NEGR1: variants seen among roughly 807,000 people sequenced by gnomAD.
The protein encoded by NEGR1 is IgLON family member 4.
Under a neutral mutation model 40.9 loss-of-function variants are expected in NEGR1, and 10 were observed. The ratio of observed to expected loss-of-function variants is 0.24; its 90% CI spans 0.15 to 0.42. The LOEUF is 0.42. Among genes scored for constraint, NEGR1 ranks in the 10% least tolerant of loss-of-function variants. NEGR1 has a pLI of 1.00. For synonymous variants in NEGR1, 185 were observed against 166.8 expected (o/e 1.11, Z -0.84); for missense variants, 352 against 438.9 (o/e 0.80, Z 1.77).
At chr1:71,768,640 G>A (rs551912357) in intron 3 of NEGR1, among the ~76,000 whole-genome samples, 93 of 152,290 alleles carry the variant, frequency 6.1e-4, no homozygotes, top group African/African-American at 2.2e-3. Flanking sequence ...GACTCTGGGG[G>A]ACTGTTGAGA....
chr1:71,551,936 A>G (rs867752150), intron 6 of NEGR1, among the ~76,000 whole-genome samples: 1 of 151,718 alleles, frequency 6.6e-6, no homozygotes. Flanking sequence ...CTTTAATTAA[A>G]AATAGTCTTT....
At chr1:72,139,943 TTTGG>T (rs1395916656) in intron 1 of NEGR1, among the ~76,000 whole-genome samples, 6 of 152,126 alleles carry the variant, frequency 3.9e-5, no homozygotes, top group African/African-American at 1.2e-4. Flanking sequence ...CTCCACTTTC[TTTGG>T]TATTTGGGAT....
intron 6 of NEGR1, among the ~76,000 whole-genome samples, chr1:71,571,965 C>G (rs1648823668): frequency 6.6e-6 from 1 of 152,050 alleles, no homozygotes; most frequent in Admixed American, 6.6e-5. Context: ...AAGACTGAAA[C>G]TGGGCAGGGC....
intron 1 of NEGR1, among the ~76,000 whole-genome samples, chr1:72,252,206 G>A (rs532437204): frequency 8.8e-4 from 134 of 151,794 alleles, no homozygotes; most frequent in African/African-American, 3.2e-3. Flanking sequence ...CACCATGCTC[G>A]GCTAATTTTG....
chr1:72,228,786 A>G (rs1220756569), intron 1 of NEGR1, among the ~76,000 whole-genome samples: 1 of 152,124 alleles, frequency 6.6e-6, no homozygotes, highest in Non-Finnish European at 1.5e-5. Flanking sequence ...AAAGTTAAAT[A>G]GTCTAATTCT....
intron 2 of NEGR1, among the ~76,000 whole-genome samples, chr1:71,830,896 T>C (rs1196179448): frequency 6.6e-6 from 1 of 151,886 alleles, no homozygotes; most frequent in Non-Finnish European, 1.5e-5. Context: ...GGAGACACAA[T>C]TATATAAGCC....
intron 6 of NEGR1, among the ~76,000 whole-genome samples, chr1:71,424,816 G>A (rs951116567): frequency 6.6e-6 from 1 of 152,112 alleles, no homozygotes; most frequent in African/African-American, 2.4e-5. Flanking sequence ...ACTGGATCCT[G>A]AAAACACAAA....
intron 2 of NEGR1, among the ~76,000 whole-genome samples, chr1:71,813,684 T>C (rs1658088841): frequency 6.6e-6 from 1 of 152,136 alleles, no homozygotes; most frequent in African/African-American, 2.4e-5. Context: ...TATTTCATTC[T>C]CTTTGCAGCA....
At chr1:71,860,473 G>A (rs1659913017) in intron 2 of NEGR1, among the ~76,000 whole-genome samples, 1 of 151,858 alleles carries the variant, frequency 6.6e-6, no homozygotes, top group Admixed American at 6.6e-5. Flanking sequence ...TATGTTTTGG[G>A]AAATTATAAT....
At chr1:72,134,451 G>A (rs1482376533) in intron 1 of NEGR1, among the ~76,000 whole-genome samples, 2 of 151,808 alleles carry the variant, frequency 1.3e-5, no homozygotes, top group South Asian at 2.1e-4. Context: ...TATTCCACCC[G>A]CCTCGGCCTC....
chr1:72,110,052 C>T (rs1001000993), intron 1 of NEGR1, among the ~76,000 whole-genome samples: 1 of 151,218 alleles, frequency 6.6e-6, no homozygotes, highest in African/African-American at 2.4e-5. Flanking sequence ...TAGAACTTGT[C>T]CTGGCTGGGG....
intron 1 of NEGR1, among the ~76,000 whole-genome samples, chr1:72,166,381 A>T (rs1364561982): frequency 6.6e-6 from 1 of 152,092 alleles, no homozygotes; most frequent in East Asian, 1.9e-4. Flanking sequence ...TTCCTCAGAA[A>T]CTAAAAACAG....
At chr1:72,247,988 A>AAACCACT (rs1654955734) in intron 1 of NEGR1, among the ~76,000 whole-genome samples, 2 of 152,146 alleles carry the variant, frequency 1.3e-5, no homozygotes, top group East Asian at 3.9e-4. Context: ...ACGTGGTGAA[A>AAACCACT]GCAGGAGCGA....
chr1:72,003,693 G>A (rs1646578234), intron 1 of NEGR1, among the ~76,000 whole-genome samples: 1 of 151,986 alleles, frequency 6.6e-6, no homozygotes, highest in Admixed American at 6.6e-5. Flanking sequence ...AATAAGCATG[G>A]CATAAAAACG....
chr1:72,244,400 T>C (rs1404204296), intron 1 of NEGR1, among the ~76,000 whole-genome samples: 1 of 151,948 alleles, frequency 6.6e-6, no homozygotes, highest in Non-Finnish European at 1.5e-5. Flanking sequence ...CTCATACATG[T>C]TTTTCAATAT....
intron 1 of NEGR1, among the ~76,000 whole-genome samples, chr1:72,189,364 T>C (rs1214035307): frequency 1.3e-5 from 2 of 151,528 alleles, no homozygotes; most frequent in African/African-American, 4.8e-5. Context: ...ATTAATCTTA[T>C]ACTCTTTCCC....
intron 6 of NEGR1, among the ~76,000 whole-genome samples, chr1:71,467,478 T>C (rs1297795501): frequency 6.6e-6 from 1 of 152,110 alleles, no homozygotes; most frequent in East Asian, 1.9e-4. Flanking sequence ...AGTGTCATAC[T>C]TTTTTAAAAA....
chr1:72,213,810 C>T (rs1653697178), intron 1 of NEGR1, among the ~76,000 whole-genome samples: 1 of 152,022 alleles, frequency 6.6e-6, no homozygotes. Context: ...GGTAGCATTC[C>T]TTCCGAAACT....
intron 2 of NEGR1, among the ~76,000 whole-genome samples, chr1:71,866,488 T>C (rs1660116999): frequency 6.6e-6 from 1 of 152,200 alleles, no homozygotes; most frequent in Non-Finnish European, 1.5e-5. Context: ...CAATAGCTAT[T>C]TTGAATAATG....
Sources: allele counts gnomAD v4.1 joint callset (sites outside exome capture counted in the v4.1 genomes callset), GRCh38; gene constraint gnomAD v4.1.1; transcripts MANE v1.5; gene names NCBI Gene and HGNC (gene_info 2026-07-23, HGNC 2026-07-21).